The following SGCD variants were observed in gnomAD, a reference collection of about 807,000 sequenced individuals.
SGCD encodes the protein delta-sarcoglycan.
Under a neutral mutation model 36.6 loss-of-function variants are expected in SGCD, and 18 were observed. That is an observed-to-expected ratio of 0.49 (90% CI 0.34 to 0.73). SGCD has a LOEUF of 0.73. SGCD is among the 30% of genes least tolerant of loss of function. The pLI is 0.01. For synonymous variants in SGCD, 133 were observed against 130.6 expected (o/e 1.02, Z -0.12); for missense variants, 387 against 346.7 (o/e 1.12, Z -0.92).
rs397971684 is a variant in SGCD at position 156,586,075 on chromosome 5, T to TTA, written c.295-3156_295-3155insTA. Among the ~76,000 whole-genome samples, 4 of 150,534 alleles carry TTA rather than the reference T, an allele frequency of 2.7e-5. No individual in the cohort carries two copies. In the East Asian group the frequency reaches 5.8e-4, roughly 22 times the overall value. The stretch of plus-strand genomic sequence containing the variant: ...TGATTACTTTGGTGTTTTTTTTTTT[T>TTA]AAAGTAATATCCTTTTTCTGTCCAA... On this transcript the variant is annotated intron_variant, in intron 4 of 8. Transcript: ENST00000337851.
rs185057836 is a variant in SGCD at position 155,945,771 on chromosome 5, C to A, written c.-282+75347C>A. Among the ~76,000 whole-genome samples, 9 of 152,234 alleles carry A rather than the reference C, an allele frequency of 5.9e-5. No individual in the cohort carries two copies. The East Asian group carries it at 1.7e-3, about 29-fold the overall frequency. On this transcript the variant is annotated intron_variant, in intron 1 of 9. Coordinates refer to the SGCD transcript ENST00000517913. The stretch of plus-strand genomic sequence containing the variant: ...TGGGGCTGGAGAAGCGGCCAGGGAC[C>A]AGCTCAGGTAGAGCCTTGAAGACCA...
At chr5:156,187,914 T>C (rs1763801956) in intron 3 of SGCD, among the ~76,000 whole-genome samples, 1 of 152,186 alleles carries the variant, frequency 6.6e-6, no homozygotes, top group South Asian at 2.1e-4. Context: ...CTCCTAGTGA[T>C]TGTGATCCAG....
At chr5:155,992,407 G>A (rs991680578) in intron 1 of SGCD, among the ~76,000 whole-genome samples, 2 of 152,040 alleles carry the variant, frequency 1.3e-5, no homozygotes, top group Non-Finnish European at 2.9e-5. Flanking sequence ...TTTTAATAAG[G>A]AAAAATTTCA....
chr5:156,692,281 G>A (rs1048218145), intron 7 of SGCD, among the ~76,000 whole-genome samples: 2 of 152,154 alleles, frequency 1.3e-5, no homozygotes, highest in African/African-American at 4.8e-5. Flanking sequence ...ATTGACAGTA[G>A]TTGCCTGAAG....
At chr5:155,783,773 C>T in the SGCD span, among the ~76,000 whole-genome samples, 10 of 152,212 alleles carry the variant, frequency 6.6e-5, no homozygotes, top group East Asian at 1.7e-3. Flanking sequence ...AGTGGAAGCT[C>T]GCCTAAAGCA....
the SGCD span, among the ~76,000 whole-genome samples, chr5:155,755,820 A>G: frequency 6.6e-6 from 1 of 152,166 alleles, no homozygotes; most frequent in South Asian, 2.1e-4. Context: ...GTTAATGTTT[A>G]TGGTCCTGTT....
chr5:156,404,649 C>G (rs1188864631), intron 3 of SGCD, among the ~76,000 whole-genome samples: 2 of 152,090 alleles, frequency 1.3e-5, no homozygotes, highest in Non-Finnish European at 2.9e-5. Context: ...ATATGTATAC[C>G]CTTTCTCAAA....
chr5:156,005,046 T>G (rs1758729834), intron 1 of SGCD, among the ~76,000 whole-genome samples: 1 of 152,168 alleles, frequency 6.6e-6, no homozygotes, highest in African/African-American at 2.4e-5. Flanking sequence ...TTCCCCGAAG[T>G]AGGCTAGGAA....
At chr5:156,120,043 A>C (rs1370373593) in intron 2 of SGCD, among the ~76,000 whole-genome samples, 1 of 152,148 alleles carries the variant, frequency 6.6e-6, no homozygotes, top group East Asian at 1.9e-4. Flanking sequence ...TATTCCTAGT[A>C]TATACTTTCT....
At chr5:156,423,911 A>C (rs757192868) in intron 3 of SGCD, among the ~76,000 whole-genome samples, 18 of 151,994 alleles carry the variant, frequency 1.2e-4, no homozygotes, top group Non-Finnish European at 1.9e-4. Flanking sequence ...AGTGATGGCC[A>C]ATACAACTAT....
At chr5:156,637,291 T>C (rs1286486709) in intron 6 of SGCD, among the ~76,000 whole-genome samples, 1 of 152,158 alleles carries the variant, frequency 6.6e-6, no homozygotes, top group Non-Finnish European at 1.5e-5. Context: ...CAATTAAACC[T>C]CTTTCCTTTA....
chr5:155,796,429 C>T, the SGCD span, among the ~76,000 whole-genome samples: 1 of 151,846 alleles, frequency 6.6e-6, no homozygotes, highest in African/African-American at 2.4e-5. Context: ...GTTATCAAAA[C>T]TTGTGGGATG....
At chr5:155,943,225 A>G (rs577967651) in intron 1 of SGCD, among the ~76,000 whole-genome samples, 3 of 152,226 alleles carry the variant, frequency 2.0e-5, no homozygotes, top group Non-Finnish European at 4.4e-5. Context: ...TGAGAACTAC[A>G]CATGCTATTG....
the SGCD span, among the ~76,000 whole-genome samples, chr5:155,787,598 G>A: frequency 6.6e-6 from 1 of 152,152 alleles, no homozygotes; most frequent in East Asian, 1.9e-4. Flanking sequence ...GGGGAGTGTT[G>A]TGGTTCTTCC....
chr5:156,728,756 C>T (rs1298773884), intron 7 of SGCD, among the ~76,000 whole-genome samples: 1 of 152,072 alleles, frequency 6.6e-6, no homozygotes, highest in Non-Finnish European at 1.5e-5. Context: ...CTTTTTCCCT[C>T]ACTACCCCAG....
At chr5:155,882,843 C>T (rs918671806) in intron 1 of SGCD, among the ~76,000 whole-genome samples, 86 of 152,214 alleles carry the variant, frequency 5.6e-4, no homozygotes, top group African/African-American at 2.0e-3. Flanking sequence ...ACAAGGGAGT[C>T]AGCCTGCCCT....
intron 7 of SGCD, among the ~76,000 whole-genome samples, chr5:156,713,327 G>A (rs965323886): frequency 1.3e-5 from 2 of 151,886 alleles, no homozygotes; most frequent in African/African-American, 4.8e-5. Context: ...TACACGAAGA[G>A]TGAGACTCAG....
intron 4 of SGCD, among the ~76,000 whole-genome samples, chr5:156,518,620 T>C (rs970661024): frequency 1.3e-5 from 2 of 152,120 alleles, no homozygotes; most frequent in African/African-American, 4.8e-5. Flanking sequence ...AAAACACTCC[T>C]CAGCAAATGC....
intron 1 of SGCD, among the ~76,000 whole-genome samples, chr5:156,077,587 C>T (rs1029798279): frequency 7.2e-5 from 11 of 152,128 alleles, no homozygotes; most frequent in Non-Finnish European, 1.0e-4. Context: ...TCACTTTTGA[C>T]TCATGGGGTA....
Sources: allele counts gnomAD v4.1 joint callset (sites outside exome capture counted in the v4.1 genomes callset), GRCh38; gene constraint gnomAD v4.1.1; transcripts MANE v1.5; gene names NCBI Gene and HGNC (gene_info 2026-07-23, HGNC 2026-07-21).